The following SLC7A5 variants were observed in gnomAD, a reference collection of about 807,000 sequenced individuals.
SLC7A5 encodes the protein solute carrier family 7 member 5, also known as large neutral amino acids transporter small subunit 1.
Under a neutral mutation model 50.2 loss-of-function variants are expected in SLC7A5, and 23 were observed. The observed-to-expected ratio is 0.46, with a 90% CI of 0.33 to 0.65. The LOEUF (loss-of-function observed/expected upper bound fraction) is 0.65, where lower values mean the gene tolerates loss of function less well. Among genes scored for constraint, SLC7A5 ranks in the 30% least tolerant of loss-of-function variants. The probability of loss-of-function intolerance (pLI) is 0.02; values close to 1 mark genes in which losing one functional copy is unlikely to be tolerated. For missense variants in SLC7A5, 578 were observed against 684.4 expected (o/e 0.84, Z 1.73); for synonymous variants, 393 against 330.6 (o/e 1.19, Z -2.05).
At position 87,833,168 on chromosome 16, in the gene SLC7A5, C is replaced by T; in HGVS notation, c.1469-143G>A. 1 of 752,064 alleles carries T rather than the reference C, an allele frequency of 1.3e-6. No individual in the cohort carries two copies. The highest frequency in any genetic ancestry group is 1.4e-5 in the South Asian group (1 of 71,062). The allele number at this position is 752,064 out of a possible 1,614,324, so 46.6% of individuals were successfully genotyped here. A position where few individuals can be genotyped will look rare whatever the true frequency, so the allele number is the denominator to read the frequency against. On this transcript the variant is annotated intron_variant, in intron 9 of 9. Coordinates refer to ENST00000261622, the MANE Select transcript of SLC7A5 (RefSeq NM_003486.7). The surrounding 1 kb of genome is among the most constrained non-coding windows in gnomAD (Gnocchi z 6.0). ...AGCGCTGGGATTTTAAGGAACCTTCCCTTGTGTACTTGCGCATGTGGGTGC... is the reference window on the plus strand; with the variant it reads ...AGCGCTGGGATTTTAAGGAACCTTCTCTTGTGTACTTGCGCATGTGGGTGC...
At chr16:87,850,894 A>G (rs1300640415) in intron 2 of SLC7A5, among the ~76,000 whole-genome samples, 3 of 152,224 alleles carry the variant, frequency 2.0e-5, no homozygotes, top group African/African-American at 7.2e-5. Flanking sequence ...TGTGTGTTAA[A>G]GGGTCCAGAG....
chr16:87,860,460 G>A lies in SLC7A5; in HGVS notation c.538+8425C>T, dbSNP rs1431138563. Among the ~76,000 whole-genome samples, 2 of 148,386 alleles carry A rather than the reference G, an allele frequency of 1.3e-5. No individual in the cohort carries two copies. Among genetic ancestry groups the A allele is most frequent in the African/African-American group, 2.5e-5 (1 of 39,942 alleles). On this transcript the variant is annotated intron_variant, in intron 1 of 9. Transcript: ENST00000261622. The surrounding 1 kb of genome is among the most constrained non-coding windows in gnomAD (Gnocchi z 4.8). The stretch of plus-strand genomic sequence containing the variant: ...ACCTGTGACCAGGAAGCCCATCCCC[G>A]CCTTGGAGTTGTCCCGCCTTTCTCG...
rs545027130 is a variant in SLC7A5, at chr16:87,832,688, A to C, written c.*282T>G. ...AAATTTAAGTTTAAAAAAAATATAT[A>C]TATAAGTAAACAAAGGAGGGAAGGG... On this transcript the variant is annotated 3_prime_UTR_variant, in exon 10 of 10. Coordinates refer to ENST00000261622, the MANE Select transcript of SLC7A5 (RefSeq NM_003486.7). The surrounding 1 kb of genome is among the most constrained non-coding windows in gnomAD (Gnocchi z 4.6). 1 of 241,814 alleles carries C rather than the reference A, an allele frequency of 4.1e-6. No homozygotes were observed. Among genetic ancestry groups the C allele is most frequent in the East Asian group, 9.6e-5 (1 of 10,454 alleles). 15.0% of individuals were successfully genotyped at this position (241,814 alleles called of 1,614,324 possible).
In SLC7A5 at chr16:87,869,114, G is replaced by A. The variant is rs1206895184; in HGVS notation, c.309C>T (p.Tyr103=). ...GVFSIVGALC[Y]AELGTTISKS... ...TGGAGATGGTGGTGCCGAGCTCCGCGTAGCAGAGCGCGCCCACGATGGAGA... is the reference window on the plus strand; with the variant it reads ...TGGAGATGGTGGTGCCGAGCTCCGCATAGCAGAGCGCGCCCACGATGGAGA... The change falls in exon 1 of 10, where the codon TAC becomes TAT. Residue 103 remains tyrosine, a synonymous_variant. Coordinates refer to ENST00000261622, the MANE Select transcript of SLC7A5 (RefSeq NM_003486.7). 1 of 1,611,838 alleles carries A rather than the reference G, an allele frequency of 6.2e-7. No individual in the cohort carries two copies. The highest frequency in any genetic ancestry group is 8.5e-7 in the Non-Finnish European group (1 of 1,179,758).
intron 2 of SLC7A5, among the ~76,000 whole-genome samples, chr16:87,846,210 G>C (rs190163604): frequency 7.1e-4 from 108 of 152,318 alleles, no homozygotes; most frequent in African/African-American, 2.5e-3. Flanking sequence ...GCAATGTCCT[G>C]TCTGTCCCTG....
At chr16:87,840,394 T>C (rs564924051) in intron 4 of SLC7A5, 35 bp downstream of exon 4, 12 of 1,580,724 alleles carry the variant, frequency 7.6e-6, no homozygotes, top group Admixed American at 1.7e-5. Flanking sequence ...ATTAAAATAA[T>C]GAAAAAAGAC....
Position 87,868,988 on chromosome 16 carries a change from C to G in SLC7A5, c.435G>C (p.Gln145His). Reference sequence around the variant, plus strand: ...TGGCGAAGACCAGGGCCACGATGTACTGCGATGAAGGCCGGATGATGAGCA... The same window carrying G: ...TGGCGAAGACCAGGGCCACGATGTAGTGCGATGAAGGCCGGATGATGAGCA... ...IELLIIRPSSQYIVALVFATY... is the reference protein window; with the variant it reads ...IELLIIRPSSHYIVALVFATY... The change falls in exon 1 of 10, where the codon CAG becomes CAC. Residue 145 changes from glutamine to histidine, a missense_variant. This residue lies in a region of SLC7A5 where 465 missense variants were observed against 594.6 expected (regional missense o/e 0.78). Transcript: ENST00000261622. 1 of 1,611,588 alleles carries G rather than the reference C, an allele frequency of 6.2e-7. No homozygotes were observed. Among genetic ancestry groups the G allele is most frequent in the Non-Finnish European group, 8.5e-7 (1 of 1,179,766 alleles).
chr16:87,847,398 G>A (rs1195202120), intron 2 of SLC7A5, among the ~76,000 whole-genome samples: 1 of 151,720 alleles, frequency 6.6e-6, no homozygotes, highest in Non-Finnish European at 1.5e-5. Flanking sequence ...GCCAGATGAG[G>A]GCCAGATGAG....
chr16:87,844,721 C>G (rs1031185830), intron 2 of SLC7A5, among the ~76,000 whole-genome samples: 4 of 152,252 alleles, frequency 2.6e-5, no homozygotes, highest in Non-Finnish European at 4.4e-5. Context: ...TGCCCCAGCC[C>G]TGGAAACACC....
chr16:87,849,191 C>T (rs867822850), intron 2 of SLC7A5, among the ~76,000 whole-genome samples: 64 of 152,078 alleles, frequency 4.2e-4, no homozygotes, highest in African/African-American at 1.5e-3. Flanking sequence ...CAGGTGCCAG[C>T]GAGGGGAGGG....
In SLC7A5 at chr16:87,852,739, G is replaced by A. The variant is rs868791978; in HGVS notation, c.539-890C>T. On this transcript the variant is annotated intron_variant, in intron 1 of 9. Transcript: ENST00000261622. The surrounding 1 kb of genome is among the most constrained non-coding windows in gnomAD (Gnocchi z 4.5). Reference sequence around the variant, plus strand: ...ACGCTGAGCCACTGTGTGTGTGTGCGTGTGTGTGTGTGTTTTGGGGGGTTC... The same window carrying A: ...ACGCTGAGCCACTGTGTGTGTGTGCATGTGTGTGTGTGTTTTGGGGGGTTC... Among the ~76,000 whole-genome samples, 4 of 149,924 alleles carry A rather than the reference G, an allele frequency of 2.7e-5. No individual in the cohort carries two copies. The highest frequency in any genetic ancestry group is 3.0e-5 in the Non-Finnish European group (2 of 67,608).
chr16:87,849,398 G>A (rs1044242654), intron 2 of SLC7A5, among the ~76,000 whole-genome samples: 2 of 152,174 alleles, frequency 1.3e-5, no homozygotes, highest in Non-Finnish European at 2.9e-5. Flanking sequence ...GGAATTGCTG[G>A]GGGGAGCACG....
intron 1 of SLC7A5, chr16:87,863,774 G>A (rs547047066): frequency 2.6e-5 from 4 of 151,782 alleles, no homozygotes; most frequent in African/African-American, 9.7e-5. Flanking sequence ...GTGCCTGGGC[G>A]ACTGAAAAGA....
In SLC7A5 at chr16:87,832,894, C is replaced by T. The variant is rs532635996; in HGVS notation, c.*76G>A. 4.3e-4 allele frequency: 526 copies of T among 1,215,084 alleles called. 3 individuals are homozygous for T. The Admixed American group carries it at 8.3e-3, about 19-fold the overall frequency. The allele number at this position is 1,215,084 out of a possible 1,614,324, so 75.3% of individuals were successfully genotyped here. ...AGCTGAGCTGTGGGTTGCGGGGAACCGGAGTGGGTTCGAGGAGGTGATCTA... is the reference window on the plus strand; with the variant it reads ...AGCTGAGCTGTGGGTTGCGGGGAACTGGAGTGGGTTCGAGGAGGTGATCTA... On this transcript the variant is annotated 3_prime_UTR_variant, in exon 10 of 10. Coordinates refer to ENST00000261622, the MANE Select transcript of SLC7A5 (RefSeq NM_003486.7). This position sits in a 1 kb window ranked among gnomAD's most constrained non-coding sequence, Gnocchi z 4.6.
chr16:87,833,999 G>A lies in SLC7A5; in HGVS notation c.1468+415C>T, dbSNP rs1346113910. On this transcript the variant is annotated intron_variant, in intron 9 of 9. Transcript: ENST00000261622. The surrounding 1 kb of genome is among the most constrained non-coding windows in gnomAD (Gnocchi z 6.0). ...CTCCTGAGTAGCTGGGATTACAGGT[G>A]TGTGCCACTACACCCAGCTGATCTG... is the stretch of plus-strand genomic sequence containing the variant. Among the ~76,000 whole-genome samples, 7 of 152,160 alleles carry A rather than the reference G, an allele frequency of 4.6e-5. No individual in the cohort carries two copies. The highest frequency in any genetic ancestry group is 2.1e-4 in the South Asian group (1 of 4,818).
chr16:87,860,791 G>A lies in SLC7A5; in HGVS notation c.538+8094C>T, dbSNP rs1431177807. Among the ~76,000 whole-genome samples, 5 of 152,204 alleles carry A rather than the reference G, an allele frequency of 3.3e-5. No homozygotes were observed. Among genetic ancestry groups the A allele is most frequent in the African/African-American group, 7.2e-5 (3 of 41,436 alleles). ...CGTCACGCTCCAAGGCCCAGAATAG[G>A]AGGTCGGTGCTCATTCCTCACGTAG... On this transcript the variant is annotated intron_variant, in intron 1 of 9. Transcript: ENST00000261622. This position sits in a 1 kb window ranked among gnomAD's most constrained non-coding sequence, Gnocchi z 4.8.
At position 87,840,455 on chromosome 16, in the gene SLC7A5, G is replaced by A; in HGVS notation, c.789C>T (p.Val263=). The stretch of plus-strand genomic sequence containing the variant: ...TGTAGGGGTTGATCATTTCCTCTGT[G>A]ACGAAATTCAAGTAATTCCTAAAAT... ...AYGGWNYLNF[V]TEEMINPYRN... The change falls in exon 4 of 10, where the codon GTC becomes GTT. Residue 263 remains valine, a synonymous_variant. Coordinates refer to ENST00000261622, the MANE Select transcript of SLC7A5 (RefSeq NM_003486.7). The A allele has an allele frequency of 6.2e-7, 1 of 1,612,088 alleles. No homozygotes were observed. Among genetic ancestry groups the A allele is most frequent in the Non-Finnish European group, 8.5e-7 (1 of 1,178,148 alleles).
At chr16:87,845,361 C>T (rs1597501242) in intron 2 of SLC7A5, among the ~76,000 whole-genome samples, 3 of 152,140 alleles carry the variant, frequency 2.0e-5, no homozygotes, top group Admixed American at 6.5e-5. Context: ...TCAGGGAAGT[C>T]GTGCAGTGAC....
chr16:87,863,783 G>C (rs1349007332), intron 1 of SLC7A5: 1 of 151,724 alleles, frequency 6.6e-6, no homozygotes, highest in Non-Finnish European at 1.5e-5. Context: ...CGACTGAAAA[G>C]ACAGCCAGCA....
Sources: allele counts gnomAD v4.1 joint callset (sites outside exome capture counted in the v4.1 genomes callset), GRCh38; gene constraint gnomAD v4.1.1; regional missense constraint gnomAD v4.1.1; non-coding constraint Gnocchi (gnomAD v3.1); transcripts MANE v1.5; gene names NCBI Gene and HGNC (gene_info 2026-07-23, HGNC 2026-07-21).